Variants in PTPRT observed in about 807,000 individuals in gnomAD.
PTPRT encodes the protein protein tyrosine phosphatase receptor type T.
PTPRT carries 56 observed loss-of-function variants against 176.8 expected under a neutral mutation model. The observed-to-expected ratio is 0.32, with a 90% CI of 0.26 to 0.40. The LOEUF (loss-of-function observed/expected upper bound fraction) is 0.40. Among genes scored for constraint, PTPRT ranks in the 10% least tolerant of loss-of-function variants. The pLI, the probability that PTPRT is intolerant of heterozygous loss-of-function variation, is 1.00. For synonymous variants in PTPRT, 783 were observed against 739.0 expected (o/e 1.06, Z -0.96); for missense variants, 1,540 against 1,908.2 (o/e 0.81, Z 3.60).
intron 1 of PTPRT, among the ~76,000 whole-genome samples, chr20:43,161,454 A>T (rs528420835): frequency 6.6e-6 from 1 of 152,328 alleles, no homozygotes; most frequent in African/African-American, 2.4e-5. Context: ...GGAAATTAGG[A>T]TAAACTGAAG....
At chr20:42,183,373 C>A (rs6093585) in intron 16 of PTPRT, among the ~76,000 whole-genome samples, 4,101 of 152,210 alleles carry the variant, frequency 0.027, 182 homozygotes, top group African/African-American at 0.092. Flanking sequence ...TGCCCTTCAC[C>A]CTGTCTTTCA....
intron 12 of PTPRT, among the ~76,000 whole-genome samples, chr20:42,283,865 T>C (rs946909324): frequency 2.0e-5 from 3 of 152,244 alleles, no homozygotes; most frequent in Non-Finnish European, 2.9e-5. Flanking sequence ...TCCATCTAGG[T>C]ACACCTCTGA....
intron 6 of PTPRT, among the ~76,000 whole-genome samples, chr20:42,738,224 C>T (rs1354938015): frequency 2.0e-5 from 3 of 152,118 alleles, no homozygotes; most frequent in Non-Finnish European, 4.4e-5. Flanking sequence ...TTAAGAATGA[C>T]ATTCTTGGCT....
intron 6 of PTPRT, among the ~76,000 whole-genome samples, chr20:42,722,930 G>GGT (rs1462788141): frequency 2.0e-5 from 3 of 152,110 alleles, no homozygotes; most frequent in Admixed American, 6.5e-5. Context: ...CCTGGAAGGT[G>GGT]GTAAACATTA....
At chr20:42,367,687 A>T (rs2058533758) in intron 9 of PTPRT, among the ~76,000 whole-genome samples, 2 of 152,172 alleles carry the variant, frequency 1.3e-5, no homozygotes, top group Admixed American at 6.5e-5. Context: ...AGCCTCACTG[A>T]GAAAGTGAGA....
chr20:42,158,836 G>A (rs1568978363), intron 17 of PTPRT, among the ~76,000 whole-genome samples: 1 of 152,188 alleles, frequency 6.6e-6, no homozygotes, highest in South Asian at 2.1e-4. Flanking sequence ...TAGATTTCTG[G>A]TTGAGATTCA....
chr20:42,427,469 C>A (rs977019743), intron 9 of PTPRT, among the ~76,000 whole-genome samples: 8 of 152,018 alleles, frequency 5.3e-5, no homozygotes, highest in African/African-American at 1.9e-4. Context: ...AAGGTGCCTG[C>A]AGATTCAGTG....
chr20:42,252,194 G>C (rs907380155), intron 13 of PTPRT, among the ~76,000 whole-genome samples: 2 of 152,164 alleles, frequency 1.3e-5, no homozygotes, highest in Non-Finnish European at 1.5e-5. Flanking sequence ...TAATGTTTAC[G>C]GGTTCCAGAC....
At chr20:43,172,137 C>T (rs1191560034) in intron 1 of PTPRT, among the ~76,000 whole-genome samples, 1 of 152,156 alleles carries the variant, frequency 6.6e-6, no homozygotes. Context: ...AACCTCAACC[C>T]CGCCACATGA....
intron 1 of PTPRT, among the ~76,000 whole-genome samples, chr20:43,007,628 A>T (rs987423502): frequency 5.3e-5 from 8 of 152,196 alleles, no homozygotes; most frequent in African/African-American, 1.4e-4. Context: ...GAGACCATTT[A>T]AAATCCAAAC....
chr20:42,611,293 A>G (rs1297966799), intron 7 of PTPRT, among the ~76,000 whole-genome samples: 1 of 152,206 alleles, frequency 6.6e-6, no homozygotes. Context: ...ACAGTGTATG[A>G]GGATCCAATT....
chr20:42,780,792 T>G (rs996232278), intron 3 of PTPRT, among the ~76,000 whole-genome samples: 7 of 152,208 alleles, frequency 4.6e-5, no homozygotes, highest in African/African-American at 1.7e-4. Flanking sequence ...AATAACACTC[T>G]TAAAAATAAG....
intron 17 of PTPRT, among the ~76,000 whole-genome samples, chr20:42,155,808 T>C (rs1989325272): frequency 6.6e-6 from 1 of 152,198 alleles, no homozygotes; most frequent in South Asian, 2.1e-4. Context: ...CATATTTTCC[T>C]TGAATTACTG....
At chr20:42,840,542 A>T (rs2078260094) in intron 2 of PTPRT, among the ~76,000 whole-genome samples, 1 of 151,986 alleles carries the variant, frequency 6.6e-6, no homozygotes, top group Non-Finnish European at 1.5e-5. Flanking sequence ...CCTCCCTAGT[A>T]GCTGGGATTA....
At chr20:42,494,673 C>A (rs992877898) in intron 7 of PTPRT, among the ~76,000 whole-genome samples, 19 of 152,144 alleles carry the variant, frequency 1.2e-4, no homozygotes, top group African/African-American at 4.3e-4. Context: ...ATTTCCCCCA[C>A]CTTAGCCTGA....
intron 2 of PTPRT, among the ~76,000 whole-genome samples, chr20:42,873,658 A>C: frequency 6.6e-6 from 1 of 152,178 alleles, no homozygotes; most frequent in East Asian, 1.9e-4. Flanking sequence ...AAACATTATT[A>C]ATAAGATGTT....
At chr20:42,443,624 G>C (rs893607634) in intron 9 of PTPRT, among the ~76,000 whole-genome samples, 3 of 152,202 alleles carry the variant, frequency 2.0e-5, no homozygotes, top group South Asian at 2.1e-4. Flanking sequence ...GGCAGAGAGA[G>C]AGTTTGAGGC....
intron 7 of PTPRT, among the ~76,000 whole-genome samples, chr20:42,567,258 G>A (rs1332746450): frequency 6.6e-6 from 1 of 150,550 alleles, no homozygotes; most frequent in Non-Finnish European, 1.5e-5. Flanking sequence ...TGGGCAACAA[G>A]AGTGAAACTC....
At chr20:42,823,443 C>G (rs937347825) in intron 2 of PTPRT, among the ~76,000 whole-genome samples, 4 of 152,094 alleles carry the variant, frequency 2.6e-5, no homozygotes, top group Middle Eastern at 3.4e-3. Context: ...GCACAGCAAA[C>G]CACCATGGCA....
Sources: allele counts gnomAD v4.1 joint callset (sites outside exome capture counted in the v4.1 genomes callset), GRCh38; gene constraint gnomAD v4.1.1; transcripts MANE v1.5; gene names NCBI Gene and HGNC (gene_info 2026-07-23, HGNC 2026-07-21).